TMEM14B: variants seen among roughly 807,000 people sequenced by gnomAD.
TMEM14B encodes transmembrane protein 14B.
In TMEM14B, 9 loss-of-function variants were observed where a neutral mutation model predicts 14.8. The observed-to-expected ratio is 0.61, with a 90% confidence interval of 0.37 to 1.06. The LOEUF (loss-of-function observed/expected upper bound fraction) is 1.06. Ranked by LOEUF, TMEM14B falls within the 50% of genes least tolerant of loss-of-function variation. TMEM14B has a pLI of 0.01. For missense variants in TMEM14B, 128 were observed against 143.6 expected (o/e 0.89, Z 0.56); for synonymous variants, 40 against 51.3 (o/e 0.78, Z 0.94).
chr6:10,759,620 A>C (rs1358945248), downstream of TMEM14B: 2 of 152,188 alleles, frequency 1.3e-5, no homozygotes, highest in African/African-American at 4.8e-5. Context: ...AAGTCTGCAA[A>C]CTTGTTCTGT....
chr6:10,755,988 A>G (rs1771789759), intron 5 of TMEM14B, among the ~76,000 whole-genome samples: 1 of 152,048 alleles, frequency 6.6e-6, no homozygotes, highest in African/African-American at 2.4e-5. Context: ...GTTAAGTATG[A>G]TAAAGACATC....
chr6:10,755,508 C>T (rs557397018), intron 5 of TMEM14B: 1 of 1,389,624 alleles, frequency 7.2e-7, no homozygotes, highest in South Asian at 1.8e-5. Context: ...ATGACTGCAG[C>T]CTTTTGTGTG....
At chr6:10,749,098 G>A in intron 1 of TMEM14B, 104 bp from the exon 2 acceptor site, 10 of 715,504 alleles carry the variant, frequency 1.4e-5, no homozygotes, top group Admixed American at 4.5e-5. Flanking sequence ...TACAGTGAAG[G>A]ATACTGAGAC....
intron 5 of TMEM14B, 127 bp from the exon 6 acceptor site, chr6:10,756,340 A>C: frequency 1.9e-6 from 2 of 1,068,564 alleles, no homozygotes; most frequent in Non-Finnish European, 2.6e-6. Flanking sequence ...TTTACCTCTG[A>C]CCACTCTTGC....
Position 10,751,999 on chromosome 6 carries a change from T to G in TMEM14B, c.202+765T>G, listed in dbSNP as rs150231594. ...AAACCCCGTGTGAGAATGAGTGCCA[T>G]GTGGGAGGGAGAAGCCGTGTGATCT... On this transcript the variant is annotated intron_variant, in intron 4 of 5. Coordinates refer to ENST00000379542, the MANE Select transcript of TMEM14B (RefSeq NM_030969.5). Among the ~76,000 whole-genome samples, 635 of 152,034 alleles carry G rather than the reference T, an allele frequency of 4.2e-3. 9 individuals are homozygous for G. Among genetic ancestry groups the G allele is most frequent in the African/African-American group, 0.014 (584 of 41,360 alleles).
intron 3 of TMEM14B, chr6:10,750,026 C>G (rs1771486324): frequency 5.0e-6 from 2 of 403,420 alleles, no homozygotes; most frequent in Admixed American, 7.5e-5. Context: ...AGGAGTCAAC[C>G]TCTGGCCTAC....
chr6:10,750,031 G>A (rs1771486406), intron 3 of TMEM14B: 2 of 365,732 alleles, frequency 5.5e-6, no homozygotes, highest in African/African-American at 4.2e-5. Flanking sequence ...TCAACCTCTG[G>A]CCTACACAGA....
intron 4 of TMEM14B, chr6:10,752,837 C>T (rs949736881): frequency 6.6e-6 from 1 of 152,194 alleles, no homozygotes; most frequent in African/African-American, 2.4e-5. Context: ...GGTAGTCTCC[C>T]ATCCAAGTAC....
At chr6:10,749,846 A>C in intron 3 of TMEM14B, 148 bp downstream of exon 3, 2 of 894,458 alleles carry the variant, frequency 2.2e-6, no homozygotes, top group East Asian at 2.4e-5. Context: ...TCAGTCTTGC[A>C]GCTCCTGCCC....
rs1465394650 is a variant in TMEM14B at position 10,751,238 on chromosome 6, T to G, written c.202+4T>G. On this transcript the variant is annotated splice_donor_region_variant and intron_variant, in intron 4 of 5. Coordinates refer to ENST00000379542, the MANE Select transcript of TMEM14B (RefSeq NM_030969.5). ...AGGAACGTTTGGGGTTTCCTAGGTA[T>G]GTCTGCTTCAGCGTCTCCTTAGGGC... 6.2e-7 allele frequency: 1 copy of G among 1,613,646 alleles called. No individual in the cohort carries two copies. The highest frequency in any genetic ancestry group is 8.5e-7 in the Non-Finnish European group (1 of 1,179,838).
At chr6:10,754,081 T>C (rs1257059484) in intron 4 of TMEM14B, among the ~76,000 whole-genome samples, 2 of 152,142 alleles carry the variant, frequency 1.3e-5, no homozygotes, top group African/African-American at 4.8e-5. Flanking sequence ...GAGACCACCC[T>C]GGGCAACATG....
At chr6:10,755,412 T>C in intron 5 of TMEM14B, 180 bp downstream of exon 5, 1 of 1,496,156 alleles carries the variant, frequency 6.7e-7, no homozygotes, top group Non-Finnish European at 8.9e-7. Flanking sequence ...TCAAATGACA[T>C]GAGTATATCC....
chr6:10,759,064 G>C (rs193135706), downstream of TMEM14B: 4,807 of 179,184 alleles, frequency 0.027, 124 homozygotes, highest in Non-Finnish European at 0.039. Context: ...GATTTCAGGT[G>C]TGCACCACCA....
intron 5 of TMEM14B, 77 bp from the exon 6 acceptor site, chr6:10,756,390 A>C: frequency 2.6e-6 from 4 of 1,535,586 alleles, no homozygotes; most frequent in Non-Finnish European, 3.6e-6. Context: ...AGGAACCTGC[A>C]GAGTTTAGTT....
chr6:10,757,718 C>G (rs552001136), downstream of TMEM14B, among the ~76,000 whole-genome samples: 1 of 152,108 alleles, frequency 6.6e-6, no homozygotes, highest in Non-Finnish European at 1.5e-5. Flanking sequence ...GAGCTGGGCG[C>G]GGTGGCTCAC....
intron 3 of TMEM14B, 43 bp from the exon 4 acceptor site, chr6:10,751,090 A>T (rs1391506002): frequency 6.2e-7 from 1 of 1,610,152 alleles, no homozygotes; most frequent in Non-Finnish European, 8.5e-7. Context: ...TAGTGAAATA[A>T]GTGCCTGACA....
In TMEM14B at chr6:10,749,258, C is replaced by G. The variant is rs373015035; in HGVS notation, c.13C>G (p.Leu5Val). Residue 5 changes from leucine to valine, a missense_variant, in exon 2 of 6, where the codon CTC becomes GTC. Physicochemically the swap from Leu to Val is conservative, Grantham distance 32 (BLOSUM62 1). Coordinates refer to ENST00000379542, the MANE Select transcript of TMEM14B (RefSeq NM_030969.5). ...TGAGAAGAGAAGAATGGAGAAGCCC[C>G]TCTTCCCATTGTGAGTAGACAGTAA... MEKP[L>V]FPLVPLHWFG... 1 of 1,614,176 alleles carries G rather than the reference C, an allele frequency of 6.2e-7. No homozygotes were observed.
chr6:10,758,483 C>A (rs147717852), downstream of TMEM14B, among the ~76,000 whole-genome samples: 31 of 152,324 alleles, frequency 2.0e-4, no homozygotes, highest in African/African-American at 4.8e-4. Context: ...GCCCTCATCC[C>A]TGCTTCTCTG....
intron 4 of TMEM14B, among the ~76,000 whole-genome samples, chr6:10,754,795 G>C (rs1771743016): frequency 6.6e-6 from 1 of 152,240 alleles, no homozygotes; most frequent in Admixed American, 6.5e-5. Flanking sequence ...ATGCAGGGTA[G>C]AGGAAATAGC....
Sources: gnomAD v4.1 joint callset for allele counts (sites outside exome capture counted in the v4.1 genomes callset) on GRCh38, gnomAD v4.1.1 for gene constraint, MANE v1.5 for transcripts, NCBI Gene and HGNC (gene_info 2026-07-23, HGNC 2026-07-21) for gene names.